Variants in MLF1 observed in about 807,000 individuals in gnomAD.
MLF1 encodes myelodysplasia-myeloid leukemia factor 1.
A neutral mutation model predicts 38.3 loss-of-function variants in MLF1; 37 were observed. The observed-to-expected ratio is 0.96, with a 90% CI of 0.74 to 1.27. The LOEUF (loss-of-function observed/expected upper bound fraction) is 1.27. Ranked by LOEUF, MLF1 falls within the 50% of genes most tolerant of loss-of-function variation. The pLI, the probability that MLF1 is intolerant of heterozygous loss-of-function variation, is 0.00. For missense variants in MLF1, 331 were observed against 349.2 expected (o/e 0.95, Z 0.42); for synonymous variants, 95 against 106.5 (o/e 0.89, Z 0.66).
rs369677729 is a variant in MLF1, at chr3:158,599,634, T to A, written c.454-380T>A. 6.6e-5 allele frequency among the ~76,000 whole-genome samples: 10 copies of A among 152,286 alleles called. No individual in the cohort carries two copies. The East Asian group carries it at 1.2e-3, about 18-fold the overall frequency. On this transcript the variant is annotated intron_variant, in intron 5 of 7. Transcript: ENST00000466246. ...GAGTTGATAGTCGGGAATCATGAGA[T>A]TCAAGCCAATCAATATGACTGATGA... is the stretch of plus-strand genomic sequence containing the variant.
chr3:158,606,211 T>C lies in MLF1; in HGVS notation c.*1009T>C, dbSNP rs1446663117. 5.7e-6 allele frequency: 1 copy of C among 176,864 alleles called. No individual in the cohort carries two copies. Among genetic ancestry groups the C allele is most frequent in the Non-Finnish European group, 1.2e-5 (1 of 82,186 alleles). The allele number at this position is 176,864 out of a possible 1,614,324, so 11.0% of individuals were successfully genotyped here. A position where few individuals can be genotyped will look rare whatever the true frequency, so the allele number is the denominator to read the frequency against. ...AAGCATCAGTCTGTTCTTATAAAAG[T>C]TAGGTTTGAAGTTTATAAGAATATA... On this transcript the variant is annotated 3_prime_UTR_variant, in exon 8 of 8. Coordinates refer to ENST00000466246, the MANE Select transcript of MLF1 (RefSeq NM_001369783.1).
At chr3:158,586,609 G>C (rs575410088) in intron 1 of MLF1, among the ~76,000 whole-genome samples, 1 of 152,292 alleles carries the variant, frequency 6.6e-6, no homozygotes, top group African/African-American at 2.4e-5. Flanking sequence ...GACTGAACTA[G>C]AATGCTATCT....
chr3:158,605,578 TAAA>T lies in MLF1; in HGVS notation c.*380_*382del, dbSNP rs1408070318. 5.0e-6 allele frequency: 1 copy of T among 200,906 alleles called. No individual in the cohort carries two copies. Among genetic ancestry groups the T allele is most frequent in the Non-Finnish European group, 1.0e-5 (1 of 97,808 alleles). 12.4% of individuals were successfully genotyped at this position (200,906 alleles called of 1,614,324 possible). On this transcript the variant is annotated 3_prime_UTR_variant, in exon 8 of 8. Transcript: ENST00000466246. ...AATTAGTTATAAGAAATTATAATGT[TAAA>T]AAAGTCTCAGTTTTTACTAACACTG... is the stretch of plus-strand genomic sequence containing the variant.
intron 1 of MLF1, among the ~76,000 whole-genome samples, chr3:158,580,787 GA>G (rs35608474): frequency 0.35 from 46,225 of 131,980 alleles, 7,342 homozygotes; most frequent in Middle Eastern, 0.4. Flanking sequence ...GTCTCTACCA[GA>G]AAAAAAAAAA....
chr3:158,584,313 A>G (rs1040181307), intron 1 of MLF1, among the ~76,000 whole-genome samples: 2 of 152,214 alleles, frequency 1.3e-5, no homozygotes, highest in Non-Finnish European at 2.9e-5. Flanking sequence ...AGAAGGATAA[A>G]TGAACTAAAT....
At position 158,571,227 on chromosome 3, in the gene MLF1, T is replaced by G; in HGVS notation, c.-74T>G. 7.8e-6 allele frequency: 10 copies of G among 1,276,798 alleles called. No homozygotes were observed. Among genetic ancestry groups the G allele is most frequent in the Non-Finnish European group, 1.1e-5 (10 of 881,964 alleles). 79.1% of individuals were successfully genotyped at this position (1,276,798 alleles called of 1,614,324 possible). ...CGTCGTCCGTACTGGAGGCTAGCTCTTGTCGCGGCCGCGGCGAGTTAACAT... is the reference window on the plus strand; with the variant it reads ...CGTCGTCCGTACTGGAGGCTAGCTCGTGTCGCGGCCGCGGCGAGTTAACAT... On this transcript the variant is annotated 5_prime_UTR_variant, in exon 1 of 8. Coordinates refer to ENST00000466246, the MANE Select transcript of MLF1 (RefSeq NM_001369783.1).
In MLF1 at chr3:158,598,729, C is replaced by G. The variant is rs564114909; in HGVS notation, c.453+521C>G. Among the ~76,000 whole-genome samples the G allele has an allele frequency of 2.6e-4, 39 of 152,240 alleles. No individual in the cohort carries two copies. The South Asian group carries it at 4.1e-3, about 16-fold the overall frequency. Reference sequence around the variant, plus strand: ...TGTTTTCTTTTTAAGCGAAAATGTACAGAGGCAGTTAAACCTTCTAATACA... The same window carrying G: ...TGTTTTCTTTTTAAGCGAAAATGTAGAGAGGCAGTTAAACCTTCTAATACA... On this transcript the variant is annotated intron_variant, in intron 5 of 7. Coordinates refer to ENST00000466246, the MANE Select transcript of MLF1 (RefSeq NM_001369783.1).
At chr3:158,595,336 G>A (rs1177521091) in intron 3 of MLF1, among the ~76,000 whole-genome samples, 2 of 152,028 alleles carry the variant, frequency 1.3e-5, no homozygotes, top group African/African-American at 4.8e-5. Flanking sequence ...AGGCCTTAAG[G>A]GCCCACTGAA....
rs1281714434 is a variant in MLF1, at chr3:158,591,068, T to C, written c.48-1366T>C. 1.2e-5 allele frequency: 6 copies of C among 497,442 alleles called. No individual in the cohort carries two copies. The East Asian group carries it at 2.8e-4, about 23-fold the overall frequency. 30.8% of individuals were successfully genotyped at this position (497,442 alleles called of 1,614,324 possible). On this transcript the variant is annotated intron_variant, in intron 1 of 7. Coordinates refer to ENST00000466246, the MANE Select transcript of MLF1 (RefSeq NM_001369783.1). ...ATACTATGAAATTCAGAGGAAAAGC[T>C]CTTTCTACTTGGACTTATGAGCAGA... is the stretch of plus-strand genomic sequence containing the variant.
intron 1 of MLF1, among the ~76,000 whole-genome samples, chr3:158,571,727 C>T (rs1312143183): frequency 2.8e-5 from 1 of 35,788 alleles, no homozygotes; most frequent in Admixed American, 3.4e-4. Context: ...AGGTTGAGGG[C>T]GTGAGGTGAG....
intron 1 of MLF1, among the ~76,000 whole-genome samples, chr3:158,576,474 A>G (rs938629154): frequency 1.7e-4 from 26 of 152,202 alleles, no homozygotes; most frequent in Admixed American, 7.2e-4. Context: ...AACATCGATT[A>G]TGTAGTATGA....
chr3:158,596,876 C>T lies in MLF1; in HGVS notation c.255C>T (p.Ser85=), dbSNP rs774698583. The T allele has an allele frequency of 5.6e-6, 9 of 1,608,610 alleles. No individual in the cohort carries two copies. The South Asian group carries it at 9.9e-5, about 18-fold the overall frequency. The part of the protein sequence containing the change: ...GDFGGMHTDV[S]SFQTMDQMVS... ...ATATTCTGTAGCATACAGATGTCAG[C>T]TCTTTCCAGACAATGGACCAAATGG... The change falls in exon 4 of 8, where the codon AGC becomes AGT. Residue 85 remains serine (S), a synonymous_variant. Transcript: ENST00000466246.
Position 158,605,092 on chromosome 3 carries a change from C to T in MLF1, c.747-5C>T. The T allele has an allele frequency of 6.2e-7, 1 of 1,605,774 alleles. No homozygotes were observed. Among genetic ancestry groups the T allele is most frequent in the South Asian group, 1.1e-5 (1 of 90,004 alleles). ...GATATTAATATTCACATGTATATTT[C>T]TCAGGGAGAAACCTCAACAAAGTCC... On this transcript the variant is annotated splice_polypyrimidine_tract_variant and splice_region_variant and intron_variant, in intron 7 of 7. Coordinates refer to ENST00000466246, the MANE Select transcript of MLF1 (RefSeq NM_001369783.1).
intron 1 of MLF1, chr3:158,582,510 A>G: frequency 4.8e-6 from 1 of 206,320 alleles, no homozygotes; most frequent in East Asian, 8.5e-5. Flanking sequence ...ACCAAGCAGA[A>G]TAAATGCAAA....
chr3:158,589,931 A>G (rs1303297708), intron 1 of MLF1, among the ~76,000 whole-genome samples: 1 of 152,148 alleles, frequency 6.6e-6, no homozygotes, highest in African/African-American at 2.4e-5. Flanking sequence ...TGACACTACT[A>G]TCTCCTTCTC....
intron 1 of MLF1, among the ~76,000 whole-genome samples, chr3:158,571,734 TGA>T (rs1714348208): frequency 2.7e-5 from 1 of 37,560 alleles, no homozygotes; most frequent in East Asian, 5.8e-4. Flanking sequence ...GGGCGTGAGG[TGA>T]GGGAAGGGTT....
chr3:158,588,011 A>T (rs767323867), intron 1 of MLF1, among the ~76,000 whole-genome samples: 4 of 152,126 alleles, frequency 2.6e-5, no homozygotes, highest in African/African-American at 7.2e-5. Context: ...AAAAATAAAT[A>T]AATTAATTAA....
rs559395661 is a variant in MLF1 at position 158,571,370 on chromosome 3, C to T, written c.47+23C>T. 105 of 1,612,806 alleles carry T rather than the reference C, an allele frequency of 6.5e-5. No homozygotes were observed. In the East Asian group the frequency reaches 2.0e-3, roughly 31 times the overall value. ...CTCGTGAGTTACGGGAGCCAGGAGT[C>T]CGGGGTCGCGCGGGAATTAAGGTAT... On this transcript the variant is annotated intron_variant, in intron 1 of 7. Transcript: ENST00000466246.
At chr3:158,583,079 C>G (rs991684521) in intron 1 of MLF1, 8 of 508,766 alleles carry the variant, frequency 1.6e-5, no homozygotes, top group African/African-American at 1.2e-4. Flanking sequence ...AGTGTATATC[C>G]CGGCCTTAAG....
Sources: gnomAD v4.1 joint callset for allele counts (sites outside exome capture counted in the v4.1 genomes callset) on GRCh38, gnomAD v4.1.1 for gene constraint, MANE v1.5 for transcripts, NCBI Gene and HGNC (gene_info 2026-07-23, HGNC 2026-07-21) for gene names.